PSPC1: variants seen among roughly 807,000 people sequenced by gnomAD.
The protein encoded by PSPC1 is paraspeckle component 1, also known as paraspeckle protein 1.
A neutral mutation model predicts 51.6 loss-of-function variants in PSPC1; 14 were observed. The ratio of observed to expected loss-of-function variants is 0.27; its 90% CI spans 0.18 to 0.42. The LOEUF is 0.42. Among genes scored for constraint, PSPC1 ranks in the 10% least tolerant of loss-of-function variants. The probability of loss-of-function intolerance (pLI) is 1.00; values close to 1 mark genes in which losing one functional copy is unlikely to be tolerated. For missense variants in PSPC1, 406 were observed against 701.1 expected (o/e 0.58, Z 4.75); for synonymous variants, 193 against 231.9 (o/e 0.83, Z 1.53).
chr13:19,749,783 C>T lies in PSPC1; in HGVS notation c.967+1488G>A, dbSNP rs143360188. 3.5e-3 allele frequency among the ~76,000 whole-genome samples: 531 copies of T among 152,040 alleles called. 1 individual carries two copies. The highest frequency in any genetic ancestry group is 0.012 in the African/African-American group (514 of 41,504). ...AGTAGCTGGGATTACAGGCGCCCGC[C>T]ACCACATCTGGCTAATGACAGTTTA... On this transcript the variant is annotated intron_variant, in intron 4 of 8. Coordinates refer to ENST00000338910, the MANE Select transcript of PSPC1 (RefSeq NM_001354909.2).
intron 1 of PSPC1, among the ~76,000 whole-genome samples, chr13:19,779,344 C>A (rs1469929770): frequency 3.5e-5 from 4 of 114,240 alleles, no homozygotes; most frequent in Non-Finnish European, 3.8e-5. Context: ...GGTCAGCCCC[C>A]CCGCCCGGCC....
intron 5 of PSPC1, among the ~76,000 whole-genome samples, chr13:19,733,825 C>A (rs1043112277): frequency 1.3e-5 from 2 of 150,486 alleles, no homozygotes; most frequent in African/African-American, 2.4e-5. Flanking sequence ...TGGTGGCACA[C>A]GCTTGTAGTC....
intron 4 of PSPC1, among the ~76,000 whole-genome samples, chr13:19,748,469 A>C (rs1287250821): frequency 6.6e-6 from 1 of 152,190 alleles, no homozygotes; most frequent in Non-Finnish European, 1.5e-5. Context: ...TAAACAACAA[A>C]AAAACTCATG....
intron 8 of PSPC1, among the ~76,000 whole-genome samples, chr13:19,703,599 A>C (rs4040738): frequency 9.9e-5 from 15 of 152,046 alleles, no homozygotes; most frequent in African/African-American, 3.1e-4. Flanking sequence ...GCCCCAATTT[A>C]AAGAACAAAG....
At chr13:19,687,976 T>C (rs1878116408) in intron 6 of PSPC1, among the ~76,000 whole-genome samples, 1 of 152,024 alleles carries the variant, frequency 6.6e-6, no homozygotes, top group African/African-American at 2.4e-5. Flanking sequence ...CAGCCTTTGC[T>C]CACGGTGGGC....
chr13:19,733,029 G>A (rs1884319249), intron 5 of PSPC1, among the ~76,000 whole-genome samples: 1 of 152,002 alleles, frequency 6.6e-6, no homozygotes, highest in South Asian at 2.1e-4. Context: ...CCTTGTTGGG[G>A]GCCCACTTCT....
intron 6 of PSPC1, among the ~76,000 whole-genome samples, chr13:19,682,588 A>C (rs1201854952): frequency 2.0e-5 from 3 of 152,180 alleles, no homozygotes; most frequent in Non-Finnish European, 4.4e-5. Flanking sequence ...GTTATGAGGA[A>C]AAGCAAATTA....
chr13:19,700,279 T>C (rs1879744005), downstream of PSPC1, among the ~76,000 whole-genome samples: 2 of 152,140 alleles, frequency 1.3e-5, no homozygotes, highest in Non-Finnish European at 2.9e-5. Flanking sequence ...TTATTTCAAA[T>C]AGTGTTTGAA....
chr13:19,730,462 G>T, intron 5 of PSPC1, 118 bp from the exon 6 acceptor site: 1 of 845,566 alleles, frequency 1.2e-6, no homozygotes, highest in South Asian at 1.5e-5. Flanking sequence ...CTGTAATCAC[G>T]ACTGACCACG....
downstream of PSPC1, chr13:19,671,357 T>A: frequency 1.4e-6 from 2 of 1,433,930 alleles, no homozygotes; most frequent in South Asian, 1.2e-5. Context: ...TTATCAACAT[T>A]AGAAAAAAAA....
chr13:19,769,717 A>T (rs1888441123), intron 2 of PSPC1, among the ~76,000 whole-genome samples: 1 of 152,126 alleles, frequency 6.6e-6, no homozygotes, highest in African/African-American at 2.4e-5. Flanking sequence ...CCTGGGCAAC[A>T]AGAGCGAAAA....
chr13:19,737,930 T>A (rs1240887336), intron 5 of PSPC1, among the ~76,000 whole-genome samples: 1 of 151,896 alleles, frequency 6.6e-6, no homozygotes, highest in African/African-American at 2.4e-5. Flanking sequence ...TATAAAAAAA[T>A]AAAAATTAAA....
intron 6 of PSPC1, among the ~76,000 whole-genome samples, chr13:19,690,232 C>G (rs1444225839): frequency 2.0e-5 from 3 of 152,196 alleles, no homozygotes; most frequent in Non-Finnish European, 4.4e-5. Context: ...GCCACACTGT[C>G]ATCTTAAAGT....
chr13:19,721,202 T>C (rs1484086550), intron 6 of PSPC1, among the ~76,000 whole-genome samples: 1 of 152,158 alleles, frequency 6.6e-6, no homozygotes, highest in African/African-American at 2.4e-5. Context: ...CCAAATACAT[T>C]AAACAAGTCA....
rs372623166 is a variant in PSPC1, at chr13:19,686,100, C to A, written c.1159-8277G>T. Among the ~76,000 whole-genome samples the A allele has an allele frequency of 2.0e-5, 3 of 152,198 alleles. No homozygotes were observed. In the South Asian group the frequency reaches 6.2e-4, roughly 31 times the overall value. On this transcript the variant is annotated intron_variant and NMD_transcript_variant, in intron 6 of 7. Coordinates refer to the PSPC1 transcript ENST00000471658. ...GATTCTCGCTCTCCTCCACTCAATT[C>A]TCTATTAAGTAGCTAACGTAATTCC...
At chr13:19,686,331 C>T (rs1877872999) in intron 6 of PSPC1, among the ~76,000 whole-genome samples, 1 of 152,138 alleles carries the variant, frequency 6.6e-6, no homozygotes, top group Non-Finnish European at 1.5e-5. Context: ...TCTATGTATG[C>T]AGCACAGATT....
chr13:19,769,740 AAAT>A (rs1888443864), intron 2 of PSPC1, among the ~76,000 whole-genome samples: 1 of 152,072 alleles, frequency 6.6e-6, no homozygotes. Context: ...CCGTCTCAAA[AAAT>A]AATAATAAAA....
downstream of PSPC1, among the ~76,000 whole-genome samples, chr13:19,697,880 CTAAGA>C (rs1276732669): frequency 2.6e-5 from 4 of 152,096 alleles, no homozygotes; most frequent in East Asian, 1.9e-4. Flanking sequence ...GAAAGGTACA[CTAAGA>C]TGTTTTCTCA....
intron 8 of PSPC1, among the ~76,000 whole-genome samples, chr13:19,703,886 TGA>T (rs974058532): frequency 1.3e-4 from 20 of 152,200 alleles, no homozygotes; most frequent in African/African-American, 4.8e-4. Flanking sequence ...TGGAAACTTC[TGA>T]GAGTGTTTTC....
Sources: gnomAD v4.1 joint callset for allele counts (sites outside exome capture counted in the v4.1 genomes callset) on GRCh38, gnomAD v4.1.1 for gene constraint, MANE v1.5 for transcripts, NCBI Gene and HGNC (gene_info 2026-07-23, HGNC 2026-07-21) for gene names.